NALCN: variants seen among roughly 807,000 people sequenced by gnomAD.
The protein encoded by NALCN is sodium leak channel, non-selective, also known as sodium leak channel NALCN.
NALCN carries 111 observed loss-of-function variants against 225.3 expected under a neutral mutation model. The ratio of observed to expected loss-of-function variants is 0.49; its 90% CI spans 0.42 to 0.58. NALCN has a LOEUF of 0.58. NALCN is among the 20% of genes least tolerant of loss of function. NALCN has a pLI of 0.00. For synonymous variants in NALCN, 764 were observed against 769.0 expected, an observed-to-expected ratio of 0.99 and a Z score of 0.11; for missense variants, 1,378 against 2,202.4, an observed-to-expected ratio of 0.63 and a Z score of 7.49.
Position 101,376,977 on chromosome 13 carries a change from C to T in NALCN, c.455G>A (p.Arg152Gln), listed in dbSNP as rs763901866. Reference sequence around the variant, plus strand: ...AAATCGGAAATAAATCCGGAATGCTCGGATCATAATCAGTGGCCGTGGAAT... The same window carrying T: ...AAATCGGAAATAAATCCGGAATGCTTGGATCATAATCAGTGGCCGTGGAAT... ...LRIPRPLIMI[R>Q]AFRIYFRFEL... The change falls in exon 5 of 44, where the codon CGA becomes CAA. Residue 152 changes from arginine to glutamine, a missense_variant. Around this residue, in one of 19 missense-constraint regions of NALCN, gnomAD observed 146 missense variants for 205.9 expected, o/e 0.71. Transcript: ENST00000251127. The T allele has an allele frequency of 3.1e-6, 5 of 1,614,154 alleles. No homozygotes were observed. The highest frequency in any genetic ancestry group is 4.2e-6 in the Non-Finnish European group (5 of 1,180,020).
intron 38 of NALCN, 42 bp from the exon 39 acceptor site, chr13:101,068,075 A>T (rs755899547): frequency 2.5e-6 from 3 of 1,184,846 alleles, no homozygotes; most frequent in African/African-American, 3.1e-5. Context: ...CCATTATGCT[A>T]ATCTGTCATA....
chr13:101,323,597 C>G (rs1218219174), intron 7 of NALCN, among the ~76,000 whole-genome samples: 1 of 152,150 alleles, frequency 6.6e-6, no homozygotes, highest in Non-Finnish European at 1.5e-5. Flanking sequence ...ATCCAAAGAG[C>G]AGAACATAAA....
intron 12 of NALCN, among the ~76,000 whole-genome samples, chr13:101,230,046 A>G (rs182025762): frequency 3.9e-5 from 6 of 152,324 alleles, no homozygotes; most frequent in African/African-American, 1.4e-4. Flanking sequence ...ATGCATAAAA[A>G]AACTATTAAG....
At chr13:101,226,460 TTTC>T (rs1465275125) in intron 13 of NALCN, among the ~76,000 whole-genome samples, 3 of 152,206 alleles carry the variant, frequency 2.0e-5, no homozygotes, top group African/African-American at 7.2e-5. Flanking sequence ...GCTTTTTGTG[TTTC>T]TTACCTCTTT....
At position 101,261,238 on chromosome 13, in the gene NALCN, C is replaced by A. The variant is rs563919101; in HGVS notation, c.1135-2664G>T. On this transcript the variant is annotated intron_variant, in intron 10 of 43. Coordinates refer to ENST00000251127, the MANE Select transcript of NALCN (RefSeq NM_052867.4). ...TTGGTCTATGTGTCTGTTTTTATGG[C>A]AGTACCACGGCGTTTTGATTACTGT... is the stretch of plus-strand genomic sequence containing the variant. 1.4e-3 allele frequency among the ~76,000 whole-genome samples: 219 copies of A among 152,262 alleles called. 1 individual carries two copies. Among genetic ancestry groups the A allele is most frequent in the African/African-American group, 5.2e-3 (217 of 41,554 alleles).
chr13:101,280,880 C>CTTT (rs201201516), intron 10 of NALCN, among the ~76,000 whole-genome samples: 28 of 108,160 alleles, frequency 2.6e-4, no homozygotes, highest in South Asian at 8.7e-4. Flanking sequence ...TTCTCTCTCT[C>CTTT]TCTTTTTTTT....
chr13:101,321,143 C>T (rs570769474), intron 7 of NALCN, among the ~76,000 whole-genome samples: 3 of 152,118 alleles, frequency 2.0e-5, no homozygotes, highest in Non-Finnish European at 2.9e-5. Flanking sequence ...ATCCTATGTA[C>T]GATTCTGAAT....
intron 7 of NALCN, among the ~76,000 whole-genome samples, chr13:101,319,448 T>G (rs543620202): frequency 6.6e-6 from 1 of 152,328 alleles, no homozygotes; most frequent in Admixed American, 6.5e-5. Context: ...CTGCTTTAAA[T>G]AATGAAATAC....
chr13:101,136,498 C>A (rs2036802862), intron 17 of NALCN, among the ~76,000 whole-genome samples: 1 of 148,158 alleles, frequency 6.7e-6, no homozygotes, highest in South Asian at 2.3e-4. Flanking sequence ...TGTTCCCCTT[C>A]CTGTGTCCAA....
intron 10 of NALCN, among the ~76,000 whole-genome samples, chr13:101,271,366 C>T (rs1319694720): frequency 2.0e-5 from 3 of 151,886 alleles, no homozygotes; most frequent in Admixed American, 1.3e-4. Flanking sequence ...AGGATTTATA[C>T]AATTGGCCTC....
At chr13:101,083,874 G>A (rs2033794503) in intron 30 of NALCN, 70 bp from the exon 31 acceptor site, 2 of 1,443,288 alleles carry the variant, frequency 1.4e-6, no homozygotes, top group South Asian at 1.2e-5. Flanking sequence ...GGCAGATGGG[G>A]TGCCGAGACA....
At chr13:101,233,265 TTGA>T (rs1325352586) in intron 12 of NALCN, among the ~76,000 whole-genome samples, 1 of 152,178 alleles carries the variant, frequency 6.6e-6, no homozygotes, top group Non-Finnish European at 1.5e-5. Context: ...GGTCACTCTG[TTGA>T]TTTGTAGTGA....
chr13:101,283,928 T>C lies in NALCN; in HGVS notation c.1134+5A>G, dbSNP rs2139007740. The C allele has an allele frequency of 6.2e-7, 1 of 1,608,250 alleles. No homozygotes were observed. Among genetic ancestry groups the C allele is most frequent in the South Asian group, 1.1e-5 (1 of 90,158 alleles). ...GCGATTTTTAAAAATGTCATTGTAC[T>C]GCACCTGGAGGCAGGCTGGGGCGCG... On this transcript the variant is annotated splice_donor_5th_base_variant and intron_variant, in intron 10 of 43. Coordinates refer to ENST00000251127, the MANE Select transcript of NALCN (RefSeq NM_052867.4).
At chr13:101,111,084 T>C (rs1419144292) in intron 19 of NALCN, 41 bp downstream of exon 19, 4 of 1,574,620 alleles carry the variant, frequency 2.5e-6, no homozygotes, top group Admixed American at 3.4e-5. Context: ...AAAACCCCCC[T>C]TTTTTAGAGT....
intron 10 of NALCN, among the ~76,000 whole-genome samples, chr13:101,263,838 C>T (rs1487314803): frequency 6.6e-6 from 1 of 152,124 alleles, no homozygotes; most frequent in Non-Finnish European, 1.5e-5. Context: ...ATATTAAAAT[C>T]AGTAACTCCA....
chr13:101,295,191 A>G (rs1368835041), intron 7 of NALCN, among the ~76,000 whole-genome samples: 1 of 152,190 alleles, frequency 6.6e-6, no homozygotes, highest in Non-Finnish European at 1.5e-5. Flanking sequence ...CAGCAAACAG[A>G]AGCAACTGTT....
At chr13:101,192,681 AC>A (rs1429451358) in intron 13 of NALCN, among the ~76,000 whole-genome samples, 1 of 147,662 alleles carries the variant, frequency 6.8e-6, no homozygotes, top group African/African-American at 2.7e-5. Context: ...AAACAAACAA[AC>A]AAAAAAGAAA....
chr13:101,272,203 CTG>C (rs1390351136), intron 10 of NALCN, among the ~76,000 whole-genome samples: 8 of 151,552 alleles, frequency 5.3e-5, no homozygotes, highest in Non-Finnish European at 7.4e-5. Flanking sequence ...GTGTTTTTGA[CTG>C]TGTGTCTCTG....
At chr13:101,238,690 TAATTAAAG>T (rs2140159120) in intron 11 of NALCN, among the ~76,000 whole-genome samples, 1 of 152,116 alleles carries the variant, frequency 6.6e-6, no homozygotes, top group Non-Finnish European at 1.5e-5. Flanking sequence ...GATTAACTTC[TAATTAAAG>T]ACTATGAGGG....
Sources: gnomAD v4.1 joint callset for allele counts (sites outside exome capture counted in the v4.1 genomes callset) on GRCh38, gnomAD v4.1.1 for gene constraint, gnomAD v4.1.1 regional missense constraint, MANE v1.5 for transcripts, NCBI Gene and HGNC (gene_info 2026-07-23, HGNC 2026-07-21) for gene names.